The following MPST variants were observed in gnomAD, a reference collection of about 807,000 sequenced individuals.
MPST encodes 3-mercaptopyruvate sulfurtransferase.
In MPST, 27 loss-of-function variants were observed where a neutral mutation model predicts 28.5. The ratio of observed to expected loss-of-function variants is 0.95; its 90% CI spans 0.70 to 1.31. The LOEUF is 1.31. Ranked by LOEUF, MPST falls within the 50% of genes most tolerant of loss-of-function variation. The probability of loss-of-function intolerance (pLI) is 0.00; values close to 1 mark genes in which losing one functional copy is unlikely to be tolerated. For synonymous variants in MPST, 204 were observed against 209.3 expected (o/e 0.97, Z 0.22); for missense variants, 492 against 471.1 (o/e 1.04, Z -0.41).
chr22:37,024,415 A>T lies in MPST; in HGVS notation c.260A>T (p.Asp87Val). 1 of 1,545,494 alleles carries T rather than the reference A, an allele frequency of 6.5e-7. No homozygotes were observed. The highest frequency in any genetic ancestry group is 1.2e-5 in the South Asian group (1 of 84,070). Residue 87 changes from aspartate (D) to valine (V), a missense_variant, in exon 2 of 3, where the codon GAC becomes GTC. Coordinates refer to ENST00000429360, the MANE Select transcript of MPST (RefSeq NM_021126.8). ...TTCTTCGACATCGACCAGTGCAGCGACCGCACCTCGCCCTACGACCACATG... is the reference window on the plus strand; with the variant it reads ...TTCTTCGACATCGACCAGTGCAGCGTCCGCACCTCGCCCTACGACCACATG... ...AAFFDIDQCS[D>V]RTSPYDHMLP...
Position 37,024,822 on chromosome 22 carries a change from G to T in MPST, c.655+12G>T. ...CGAGCCCCGAGACGGTAACGCGGGG[G>T]AAGGGGGCAGGAGGTCGTCGGGGGC... On this transcript the variant is annotated intron_variant, in intron 2 of 2. Transcript: ENST00000429360. The T allele has an allele frequency of 1.9e-6, 3 of 1,604,236 alleles. No homozygotes were observed. Among genetic ancestry groups the T allele is most frequent in the Non-Finnish European group, 2.5e-6 (3 of 1,179,098 alleles).
At position 37,024,614 on chromosome 22, in the gene MPST, C is replaced by T. The variant is rs1312843446; in HGVS notation, c.459C>T (p.Arg153=). Residue 153 remains arginine, a synonymous_variant, in exon 2 of 3, where the codon CGC becomes CGT. Coordinates refer to ENST00000429360, the MANE Select transcript of MPST (RefSeq NM_021126.8). ...TGTCACTGCTTGATGGCGGCCTCCG[C>T]CACTGGCTGCGCCAGAACCTCCCGC... ...HAVSLLDGGL[R]HWLRQNLPLS... 1.9e-6 allele frequency: 3 copies of T among 1,597,064 alleles called. No individual in the cohort carries two copies. Among genetic ancestry groups the T allele is most frequent in the Non-Finnish European group, 2.5e-6 (3 of 1,178,876 alleles).
chr22:37,019,941 G>T (rs942646518), intron 1 of MPST, 69 bp downstream of exon 1: 1 of 785,742 alleles, frequency 1.3e-6, no homozygotes, highest in Non-Finnish European at 1.7e-6. Flanking sequence ...GGTGCTCGGC[G>T]CGGGGCTCCC....
intron 1 of MPST, among the ~76,000 whole-genome samples, chr22:37,021,514 C>G (rs2145909960): frequency 6.6e-6 from 1 of 152,080 alleles, no homozygotes; most frequent in East Asian, 1.9e-4. Flanking sequence ...ACTCTGTTGC[C>G]CAGGCTGGAG....
chr22:37,029,627 C>A lies in MPST; in HGVS notation c.*113C>A. The stretch of plus-strand genomic sequence containing the variant: ...GTGTTTCTTCACTCAACTCAGGTGG[C>A]ATTTGGGGTGACATCTCAAAGGCCA... On this transcript the variant is annotated 3_prime_UTR_variant, in exon 3 of 3. Coordinates refer to ENST00000429360, the MANE Select transcript of MPST (RefSeq NM_021126.8). The A allele has an allele frequency of 8.7e-7, 1 of 1,147,188 alleles. No individual in the cohort carries two copies. Among genetic ancestry groups the A allele is most frequent in the Non-Finnish European group, 1.2e-6 (1 of 824,418 alleles). The allele number at this position is 1,147,188 out of a possible 1,614,324, so 71.1% of individuals were successfully genotyped here.
In MPST at chr22:37,024,395, C is replaced by G. The variant is rs1370014327; in HGVS notation, c.240C>G (p.Phe80Leu). The G allele has an allele frequency of 1.3e-6, 2 of 1,544,082 alleles. No individual in the cohort carries two copies. Among genetic ancestry groups the G allele is most frequent in the South Asian group, 1.2e-5 (1 of 83,480 alleles). The change falls in exon 2 of 3, where the codon TTC becomes TTG. Residue 80 changes from phenylalanine (F) to leucine (L), a missense_variant. Coordinates refer to ENST00000429360, the MANE Select transcript of MPST (RefSeq NM_021126.8). ...GCCACATCCCGGGCGCCGCTTTCTT[C>G]GACATCGACCAGTGCAGCGACCGCA... ...EERHIPGAAFFDIDQCSDRTS... is the reference protein window; with the variant it reads ...EERHIPGAAFLDIDQCSDRTS...
At chr22:37,023,882 CT>C in intron 1 of MPST, 1 of 1,483,202 alleles carries the variant, frequency 6.7e-7, no homozygotes. Context: ...CCAGCAGGGC[CT>C]TGCCCTAGGA....
intron 1 of MPST, 154 bp downstream of exon 1, chr22:37,020,026 T>G (rs1052497429): frequency 1.5e-4 from 49 of 323,892 alleles, no homozygotes; most frequent in Middle Eastern, 4.3e-4. Flanking sequence ...TAAGGGTGAC[T>G]GTCCGCTTGG....
rs1034285379 is a variant in MPST at position 37,019,814 on chromosome 22, G to A, written c.-23G>A. ...GAGGGGACAGCTGCGGGCGCGGGGA[G>A]GGGGCGCCGCGCCGCGGGGGCCATG... is the stretch of plus-strand genomic sequence containing the variant. On this transcript the variant is annotated 5_prime_UTR_variant, in exon 1 of 3. Transcript: ENST00000429360. 21 of 1,169,296 alleles carry A rather than the reference G, an allele frequency of 1.8e-5. No homozygotes were observed. Among genetic ancestry groups the A allele is most frequent in the Admixed American group, 4.2e-5 (1 of 23,574 alleles). 72.4% of individuals were successfully genotyped at this position (1,169,296 alleles called of 1,614,324 possible).
chr22:37,021,021 T>G (rs57522265), intron 1 of MPST, among the ~76,000 whole-genome samples: 1 of 148,072 alleles, frequency 6.8e-6, no homozygotes, highest in Non-Finnish European at 1.5e-5. Context: ...CAAAGCCTAG[T>G]GTCTGGTGGT....
intron 2 of MPST, chr22:37,027,080 G>T (rs1923577947): frequency 6.6e-6 from 1 of 152,310 alleles, no homozygotes; most frequent in South Asian, 2.1e-4. Flanking sequence ...AGCCTCCCGA[G>T]TAGCTGGGAT....
At position 37,024,213 on chromosome 22, in the gene MPST, G is replaced by A. The variant is rs1401250767; in HGVS notation, c.58G>A (p.Ala20Thr). The change falls in exon 2 of 3, where the codon GCC (alanine) becomes ACC (threonine). Residue 20 changes from alanine to threonine, a missense_variant. Ala to Thr is a moderately conservative substitution (Grantham distance 58). Transcript: ENST00000429360. ...ETRARSPSVA[A>T]MASPQLCRAL... is the part of the protein sequence containing the mutation. ...CCAGGCCCGCAGCCCGAGTGTCGCCGCCATGGCTTCGCCGCAGCTCTGCCG... is the reference window on the plus strand; with the variant it reads ...CCAGGCCCGCAGCCCGAGTGTCGCCACCATGGCTTCGCCGCAGCTCTGCCG... 2.2e-6 allele frequency: 3 copies of A among 1,382,036 alleles called. No homozygotes were observed. Among genetic ancestry groups the A allele is most frequent in the Non-Finnish European group, 2.8e-6 (3 of 1,075,958 alleles). 85.6% of individuals were successfully genotyped at this position (1,382,036 alleles called of 1,614,324 possible). A position where few individuals can be genotyped will look rare whatever the true frequency, so the allele number is the denominator to read the frequency against.
At chr22:37,021,153 G>A (rs1923040861) in intron 1 of MPST, among the ~76,000 whole-genome samples, 1 of 152,140 alleles carries the variant, frequency 6.6e-6, no homozygotes, top group Admixed American at 6.5e-5. Flanking sequence ...GTGCAGCTGT[G>A]TATCCTTCTG....
Position 37,029,257 on chromosome 22 carries a change from T to C in MPST, c.697T>C (p.Phe233Leu), listed in dbSNP as rs561334838. The C allele has an allele frequency of 1.2e-6, 2 of 1,614,172 alleles. No individual in the cohort carries two copies. Reference sequence around the variant, plus strand: ...CATCCCAGGTACCGTGAACATCCCCTTCACAGACTTCCTGAGCCAGGAGGG... The same window carrying C: ...CATCCCAGGTACCGTGAACATCCCCCTCACAGACTTCCTGAGCCAGGAGGG... ...GHIPGTVNIP[F>L]TDFLSQEGLE... is the part of the protein sequence containing the mutation. Residue 233 changes from phenylalanine to leucine, a missense_variant, in exon 3 of 3, where the codon TTC (phenylalanine) becomes CTC (leucine). By Grantham distance (22) the Phe-to-Leu change is conservative (BLOSUM62 0). Transcript: ENST00000429360.
At chr22:37,028,807 T>C (rs8141597) in intron 2 of MPST, 52,901 of 171,114 alleles carry the variant, frequency 0.31, 8,692 homozygotes, top group East Asian at 0.58. Context: ...GAACACCCAT[T>C]ATGCTTGTAA....
chr22:37,024,649 G>T lies in MPST; in HGVS notation c.494G>T (p.Gly165Val). The change falls in exon 2 of 3, where the codon GGC becomes GTC. Residue 165 changes from glycine to valine, a missense_variant. Physicochemically the swap from Gly to Val is moderately radical, Grantham distance 109. Coordinates refer to ENST00000429360, the MANE Select transcript of MPST (RefSeq NM_021126.8). ...CGCCAGAACCTCCCGCTCAGCTCCG[G>T]CAAGAGCCAACCTGCTCCCGCCGAG... is the stretch of plus-strand genomic sequence containing the variant. ...WLRQNLPLSS[G>V]KSQPAPAEFR... 1 of 1,598,462 alleles carries T rather than the reference G, an allele frequency of 6.3e-7. No individual in the cohort carries two copies.
intron 1 of MPST, chr22:37,023,837 G>T (rs1297307757): frequency 1.3e-5 from 18 of 1,333,874 alleles, no homozygotes; most frequent in African/African-American, 7.6e-5. Flanking sequence ...ATCTTAGGGA[G>T]GGGTGGAGAC....
intron 2 of MPST, chr22:37,028,551 A>T (rs1035586792): frequency 6.6e-6 from 1 of 151,880 alleles, no homozygotes; most frequent in African/African-American, 2.4e-5. Context: ...AAAAGAACAA[A>T]AAAAGGAAAT....
chr22:37,024,167 T>G lies in MPST; in HGVS notation c.37-25T>G, dbSNP rs1411044402. The G allele has an allele frequency of 2.2e-6, 3 of 1,372,020 alleles. No individual in the cohort carries two copies. In the East Asian group the frequency reaches 9.0e-5, roughly 41 times the overall value. The allele number at this position is 1,372,020 out of a possible 1,614,324, so 85.0% of individuals were successfully genotyped here. On this transcript the variant is annotated intron_variant, in intron 1 of 2. Transcript: ENST00000429360. The stretch of plus-strand genomic sequence containing the variant: ...CAACAGCGGCCTCTCCCTGCTTCCC[T>G]TCTGACATCCTCCCTGTCGCCCAGG...
Sources: allele counts gnomAD v4.1 joint callset (sites outside exome capture counted in the v4.1 genomes callset), GRCh38; gene constraint gnomAD v4.1.1; transcripts MANE v1.5; gene names NCBI Gene and HGNC (gene_info 2026-07-23, HGNC 2026-07-21).